ABCC5: variants seen among roughly 807,000 people sequenced by gnomAD.
ABCC5 encodes the protein ATP binding cassette subfamily C member 5, also known as ATP-binding cassette sub-family C member 5.
ABCC5 carries 61 observed loss-of-function variants against 160.9 expected under a neutral mutation model. The ratio of observed to expected loss-of-function variants is 0.38; its 90% confidence interval spans 0.31 to 0.47. ABCC5 has a LOEUF of 0.47. Ranked by LOEUF, ABCC5 falls within the 20% of genes least tolerant of loss-of-function variation. The probability of loss-of-function intolerance (pLI) is 0.99; values close to 1 mark genes in which losing one functional copy is unlikely to be tolerated. For missense variants in ABCC5, 1,308 were observed against 1,813.3 expected, an observed-to-expected ratio of 0.72 and a Z score of 5.06; for synonymous variants, 666 against 700.6, an observed-to-expected ratio of 0.95 and a Z score of 0.78.
chr3:184,005,289 C>T (rs4148566), intron 2 of ABCC5, among the ~76,000 whole-genome samples: 2 of 152,128 alleles, frequency 1.3e-5, no homozygotes, highest in East Asian at 3.8e-4. Flanking sequence ...TGCTTTCTAC[C>T]TCCATGAGCA....
chr3:183,988,777 G>T lies in ABCC5; in HGVS notation c.288-50C>A. ...AAAGCTATCAACACGCACGGAGAGGGCAGCCCGTGTTTAATGGACACTGTT... is the reference window on the plus strand; with the variant it reads ...AAAGCTATCAACACGCACGGAGAGGTCAGCCCGTGTTTAATGGACACTGTT... On this transcript the variant is annotated intron_variant, in intron 3 of 29. Transcript: ENST00000334444. The surrounding 1 kb of genome is among the most constrained non-coding windows in gnomAD (Gnocchi z 4.4). The T allele has an allele frequency of 6.3e-7, 1 of 1,580,762 alleles. No individual in the cohort carries two copies.
At chr3:184,001,489 C>T (rs1386359906) in intron 2 of ABCC5, among the ~76,000 whole-genome samples, 6 of 152,256 alleles carry the variant, frequency 3.9e-5, no homozygotes, top group Admixed American at 1.3e-4. Context: ...CTGTGTCGCA[C>T]GGTGCAGCCC....
Position 183,967,740 on chromosome 3 carries a change from A to G in ABCC5, c.1788T>C (p.Ser596=), listed in dbSNP as rs1717357624. The G allele has an allele frequency of 1.2e-6, 2 of 1,614,004 alleles. No homozygotes were observed. Among genetic ancestry groups the G allele is most frequent in the African/African-American group, 1.3e-5 (1 of 75,040 alleles). The change falls in exon 12 of 30, where the codon AGT becomes AGC. Residue 596 remains serine, a synonymous_variant. Coordinates refer to ENST00000334444, the MANE Select transcript of ABCC5 (RefSeq NM_005688.4). ...QEGKLVGICG[S]VGSGKTSLIS... is the part of the protein sequence containing the mutation. Reference sequence around the variant, plus strand: ...TGAGAGAGGTTTTTCCACTTCCCACACTGCCACAGATTCCAACCAGTTTAC... The same window carrying G: ...TGAGAGAGGTTTTTCCACTTCCCACGCTGCCACAGATTCCAACCAGTTTAC...
intron 2 of ABCC5, among the ~76,000 whole-genome samples, chr3:183,996,761 T>G (rs989849525): frequency 6.6e-6 from 1 of 152,084 alleles, no homozygotes; most frequent in African/African-American, 2.4e-5. Context: ...AAGCATGGAG[T>G]AGAAATTCTC....
chr3:184,008,902 G>C (rs540391479), intron 2 of ABCC5, among the ~76,000 whole-genome samples: 1 of 152,278 alleles, frequency 6.6e-6, no homozygotes, highest in South Asian at 2.1e-4. Flanking sequence ...TGTCACGCAG[G>C]GTGGAGTGCA....
chr3:183,987,310 C>A lies in ABCC5; in HGVS notation c.591+460G>T. ...ACTCCAGGTCAGACTCTAAAATCCT[C>A]GACAGTCCTCTAGTTTTCTCAGGGC... On this transcript the variant is annotated intron_variant, in intron 5 of 29. Transcript: ENST00000334444. The surrounding 1 kb of genome is among the most constrained non-coding windows in gnomAD (Gnocchi z 4.2). 3.4e-6 allele frequency: 1 copy of A among 295,626 alleles called. No homozygotes were observed. 18.3% of individuals were successfully genotyped at this position (295,626 alleles called of 1,614,324 possible). A position where few individuals can be genotyped will look rare whatever the true frequency, so the allele number is the denominator to read the frequency against.
chr3:183,928,324 CT>C (rs1712810058), intron 27 of ABCC5, among the ~76,000 whole-genome samples: 1 of 152,050 alleles, frequency 6.6e-6, no homozygotes, highest in South Asian at 2.1e-4. Context: ...ATTGGTCAGG[CT>C]GGTCTCGAAC....
chr3:184,010,266 C>CAAAAA (rs10541470), intron 2 of ABCC5, among the ~76,000 whole-genome samples: 8 of 74,444 alleles, frequency 1.1e-4, no homozygotes, highest in Admixed American at 1.7e-4. Flanking sequence ...GACTTCGTCT[C>CAAAAA]AAAAAAAAAA....
intron 28 of ABCC5, 33 bp from the exon 29 acceptor site, chr3:183,925,752 T>A (rs1249960677): frequency 6.2e-7 from 1 of 1,601,404 alleles, no homozygotes; most frequent in Admixed American, 1.7e-5. Context: ...AGAAACTCGA[T>A]TAAATTCCTT....
chr3:183,975,384 C>T (rs564739152), intron 10 of ABCC5, among the ~76,000 whole-genome samples: 1 of 152,158 alleles, frequency 6.6e-6, no homozygotes, highest in South Asian at 2.1e-4. Context: ...CTGTGTTGCC[C>T]AGGCTGGAGT....
chr3:183,956,420 T>C (rs146040241), intron 17 of ABCC5, among the ~76,000 whole-genome samples: 1,885 of 93,860 alleles, frequency 0.02, 26 homozygotes, highest in African/African-American at 0.057. Context: ...GTGTATATCA[T>C]ATCGGTTACA....
chr3:183,970,572 G>C (rs937313681), intron 11 of ABCC5, among the ~76,000 whole-genome samples: 2 of 151,846 alleles, frequency 1.3e-5, no homozygotes, highest in Non-Finnish European at 2.9e-5. Context: ...AGCCTCCCAA[G>C]TAGCTGGAAC....
In ABCC5 at chr3:183,945,880, G is replaced by C; in HGVS notation, c.3474C>G (p.Thr1158=). The C allele has an allele frequency of 6.2e-7, 1 of 1,614,102 alleles. No individual in the cohort carries two copies. Among genetic ancestry groups the C allele is most frequent in the Non-Finnish European group, 8.5e-7 (1 of 1,179,994 alleles). The change falls in exon 24 of 30, where the codon ACC becomes ACG. Residue 1158 remains threonine, a synonymous_variant. Coordinates refer to ENST00000334444, the MANE Select transcript of ABCC5 (RefSeq NM_005688.4). ...RLASETEARF[T]SVERINHYIK... is the part of the protein sequence containing the mutation. ...TGTAGTGATTGATCCTCTCCACCGA[G>C]GTGAATCGAGCTTCTGTCTCAGATG...
rs1718425539 is a variant in ABCC5 at position 183,978,588 on chromosome 3, C to A, written c.1211G>T (p.Gly404Val). 1.9e-6 allele frequency: 3 copies of A among 1,614,012 alleles called. No individual in the cohort carries two copies. Among genetic ancestry groups the A allele is most frequent in the Non-Finnish European group, 2.5e-6 (3 of 1,180,026 alleles). Residue 404 changes from glycine to valine, a missense_variant, in exon 9 of 30, where the codon GGT becomes GTT. Physicochemically the swap from Gly to Val is moderately radical, Grantham distance 109 (BLOSUM62 -3). Around this residue, in one of 3 missense-constraint regions of ABCC5, gnomAD observed 1,142 missense variants for 1,527.1 expected, o/e 0.75. Transcript: ENST00000334444. Reference protein sequence around the residue: ...KAGYFQSITVGVAPIVVVIAS... With the variant: ...KAGYFQSITVVVAPIVVVIAS... Reference sequence around the variant, plus strand: ...AATCACCACCACAATGGGAGCCACACCCACAGTGATGCTCTGGAAGTACCC... The same window carrying A: ...AATCACCACCACAATGGGAGCCACAACCACAGTGATGCTCTGGAAGTACCC...
intron 17 of ABCC5, among the ~76,000 whole-genome samples, chr3:183,958,784 A>G (rs1716464412): frequency 6.6e-6 from 1 of 151,566 alleles, no homozygotes; most frequent in South Asian, 2.1e-4. Context: ...TTTTTTGGAG[A>G]GAAGCGGGGC....
At chr3:183,924,657 T>C (rs1042084205) in intron 29 of ABCC5, among the ~76,000 whole-genome samples, 3 of 152,216 alleles carry the variant, frequency 2.0e-5, no homozygotes, top group African/African-American at 7.2e-5. Context: ...TAAAGAACTG[T>C]AGTACTAAGC....
intron 17 of ABCC5, among the ~76,000 whole-genome samples, chr3:183,954,363 G>T (rs976360662): frequency 2.6e-5 from 4 of 152,154 alleles, no homozygotes; most frequent in African/African-American, 9.7e-5. Context: ...TGGCCAGGCT[G>T]GTCTCGAACT....
chr3:183,979,990 C>T (rs532653264), intron 8 of ABCC5, among the ~76,000 whole-genome samples: 16 of 152,110 alleles, frequency 1.1e-4, no homozygotes, highest in Admixed American at 5.2e-4. Context: ...ATCCTCCTGC[C>T]TCGGCCTCTT....
At chr3:183,968,401 C>T (rs112737137) in intron 11 of ABCC5, among the ~76,000 whole-genome samples, 20,799 of 152,054 alleles carry the variant, frequency 0.14, 1,568 homozygotes, top group East Asian at 0.34. Flanking sequence ...TGAGCCACCA[C>T]GCCTGGCCAC....
Sources: allele counts gnomAD v4.1 joint callset (sites outside exome capture counted in the v4.1 genomes callset), GRCh38; gene constraint gnomAD v4.1.1; regional missense constraint gnomAD v4.1.1; non-coding constraint Gnocchi (gnomAD v3.1); transcripts MANE v1.5; gene names NCBI Gene and HGNC (gene_info 2026-07-23, HGNC 2026-07-21).